The following RELL1 variants were observed in gnomAD, a reference collection of about 807,000 sequenced individuals.
RELL1 encodes the protein RELT-like protein 1.
A neutral mutation model predicts 23.0 loss-of-function variants in RELL1; 10 were observed. The observed-to-expected ratio is 0.43, with a 90% CI of 0.27 to 0.74. RELL1 has a LOEUF of 0.74. RELL1 is among the 30% of genes least tolerant of loss of function. The pLI is 0.19. For synonymous variants in RELL1, 146 were observed against 146.8 expected (o/e 0.99, Z 0.04); for missense variants, 315 against 364.4 (o/e 0.86, Z 1.10).
chr4:37,670,297 G>C (rs1270443387), intron 1 of RELL1, among the ~76,000 whole-genome samples: 1 of 151,868 alleles, frequency 6.6e-6, no homozygotes, highest in East Asian at 1.9e-4. Flanking sequence ...TGTAGTGTCA[G>C]AGTAATATTA....
intron 1 of RELL1, among the ~76,000 whole-genome samples, chr4:37,680,482 C>T (rs970577017): frequency 2.6e-5 from 4 of 152,142 alleles, no homozygotes; most frequent in African/African-American, 9.7e-5. Context: ...AAGTAAAATA[C>T]AGTGAATCCA....
intron 1 of RELL1, among the ~76,000 whole-genome samples, chr4:37,676,053 C>T (rs996376559): frequency 3.3e-5 from 5 of 152,164 alleles, no homozygotes; most frequent in African/African-American, 1.2e-4. Flanking sequence ...GCAGTTTTTG[C>T]AGCTGTAAAT....
chr4:37,657,511 G>A (rs988728644), intron 1 of RELL1, among the ~76,000 whole-genome samples: 1 of 152,174 alleles, frequency 6.6e-6, no homozygotes, highest in Non-Finnish European at 1.5e-5. Context: ...TGAAGCAATG[G>A]CCTTGAGATG....
At position 37,611,963 on chromosome 4, in the gene RELL1, CAGG is replaced by C. The variant is rs1719399332; in HGVS notation, c.*1380_*1382del. ...GGCCGAGGCGGGTGGATCACGAGGT[CAGG>C]AGATCGAGACCATCTTCGCTAATGC... is the stretch of plus-strand genomic sequence containing the variant. On this transcript the variant is annotated 3_prime_UTR_variant, in exon 7 of 7. Transcript: ENST00000454158. Among the ~76,000 whole-genome samples, 1 of 150,486 alleles carries C rather than the reference CAGG, an allele frequency of 6.6e-6. No homozygotes were observed. Among genetic ancestry groups the C allele is most frequent in the Admixed American group, 6.6e-5 (1 of 15,154 alleles).
chr4:37,672,180 C>T (rs1721857998), intron 1 of RELL1, among the ~76,000 whole-genome samples: 1 of 152,112 alleles, frequency 6.6e-6, no homozygotes, highest in Non-Finnish European at 1.5e-5. Flanking sequence ...GCCCCTTTCC[C>T]TTCCCAGAGA....
chr4:37,669,339 C>A (rs537270719), intron 1 of RELL1, among the ~76,000 whole-genome samples: 1 of 140,266 alleles, frequency 7.1e-6, no homozygotes, highest in Non-Finnish European at 1.6e-5. Context: ...CCTGGCCAGC[C>A]GCTCCCTCCG....
intron 6 of RELL1, among the ~76,000 whole-genome samples, chr4:37,619,190 ATT>A: frequency 9.1e-6 from 1 of 110,134 alleles, no homozygotes; most frequent in African/African-American, 3.5e-5. Context: ...CCTGCACCAC[ATT>A]TTTTTTTTTA....
At chr4:37,607,448 G>T (rs1409382276), downstream of RELL1, among the ~76,000 whole-genome samples, 3 of 152,092 alleles carry the variant, frequency 2.0e-5, no homozygotes, top group African/African-American at 7.2e-5. Context: ...TCATTTTATT[G>T]CACTTTGCTG....
At chr4:37,677,936 C>T (rs1722071886) in intron 1 of RELL1, among the ~76,000 whole-genome samples, 1 of 152,218 alleles carries the variant, frequency 6.6e-6, no homozygotes, top group South Asian at 2.1e-4. Flanking sequence ...CACACCATTG[C>T]ACTCCAGCAG....
chr4:37,630,322 A>G (rs933763267), intron 6 of RELL1, among the ~76,000 whole-genome samples: 2 of 150,990 alleles, frequency 1.3e-5, no homozygotes, highest in Non-Finnish European at 2.9e-5. Flanking sequence ...AGCCACTATC[A>G]ATTTATCACA....
chr4:37,670,696 A>G (rs1295759976), intron 1 of RELL1, among the ~76,000 whole-genome samples: 1 of 151,292 alleles, frequency 6.6e-6, no homozygotes, highest in Non-Finnish European at 1.5e-5. Flanking sequence ...TCAGCCTCCC[A>G]AGTAGCTGGG....
chr4:37,617,231 G>A (rs892588645), intron 6 of RELL1, among the ~76,000 whole-genome samples: 1 of 152,158 alleles, frequency 6.6e-6, no homozygotes, highest in Non-Finnish European at 1.5e-5. Context: ...AGTCTACGGG[G>A]TTGCAGTCCA....
At chr4:37,629,831 C>T (rs2109255729) in intron 6 of RELL1, among the ~76,000 whole-genome samples, 1 of 152,320 alleles carries the variant, frequency 6.6e-6, no homozygotes, top group South Asian at 2.1e-4. Context: ...CTCTCCTCCA[C>T]TCAGCCACAC....
rs1257199026 is a variant in RELL1, at chr4:37,610,689, T to C, written c.*2657A>G. ...TTTGGTAGTACAAAAGTCATAAAAG[T>C]ACAAACCAGACAGTTAAAAATACAC... On this transcript the variant is annotated 3_prime_UTR_variant, in exon 7 of 7. Transcript: ENST00000454158. The surrounding 1 kb of genome is among the most constrained non-coding windows in gnomAD (Gnocchi z 4.1). Among the ~76,000 whole-genome samples, 1 of 152,214 alleles carries C rather than the reference T, an allele frequency of 6.6e-6. No homozygotes were observed. Among genetic ancestry groups the C allele is most frequent in the Admixed American group, 6.5e-5 (1 of 15,278 alleles).
chr4:37,599,373 G>A, intron 6 of RELL1, among the ~76,000 whole-genome samples: 1 of 152,168 alleles, frequency 6.6e-6, no homozygotes, highest in East Asian at 1.9e-4. Context: ...GTAAGCCTAA[G>A]TGTGGTGATA....
At chr4:37,675,881 T>C (rs1473755582) in intron 1 of RELL1, among the ~76,000 whole-genome samples, 1 of 152,156 alleles carries the variant, frequency 6.6e-6, no homozygotes, top group African/African-American at 2.4e-5. Context: ...CCCATCCCAG[T>C]CCTATGGACT....
intron 1 of RELL1, among the ~76,000 whole-genome samples, chr4:37,684,707 C>T (rs375801736): frequency 5.5e-4 from 84 of 152,130 alleles, no homozygotes; most frequent in African/African-American, 1.8e-3. Context: ...AATACCAGCA[C>T]TTTGGGAGGC....
chr4:37,631,601 A>C (rs549717666), intron 5 of RELL1, 78 bp from the exon 6 acceptor site: 2 of 1,505,690 alleles, frequency 1.3e-6, no homozygotes, highest in South Asian at 1.3e-5. Flanking sequence ...AAAATCATCC[A>C]CCCAGAGGAT....
chr4:37,604,790 C>G (rs201024607), intron 6 of RELL1, among the ~76,000 whole-genome samples: 4 of 90,648 alleles, frequency 4.4e-5, no homozygotes, highest in East Asian at 4.0e-4. Flanking sequence ...CACACAGACA[C>G]ACACACAGAC....
Sources: gnomAD v4.1 joint callset for allele counts (sites outside exome capture counted in the v4.1 genomes callset) on GRCh38, gnomAD v4.1.1 for gene constraint, Gnocchi (gnomAD v3.1) non-coding constraint, MANE v1.5 for transcripts, NCBI Gene and HGNC (gene_info 2026-07-23, HGNC 2026-07-21) for gene names.